Variants in ASPH observed in about 807,000 individuals in gnomAD.
ASPH encodes aspartate beta-hydroxylase.
ASPH carries 100 observed loss-of-function variants against 118.4 expected under a neutral mutation model. The ratio of observed to expected loss-of-function variants is 0.84; its 90% confidence interval spans 0.72 to 1.00. ASPH has a LOEUF of 1.00. Among genes scored for constraint, ASPH ranks in the 50% least tolerant of loss-of-function variants. The pLI is 0.00. For missense variants in ASPH, 920 were observed against 919.5 expected (o/e 1.00, Z -0.01); for synonymous variants, 315 against 325.6 (o/e 0.97, Z 0.35).
At chr8:61,611,264 C>T (rs1564005855) in intron 14 of ASPH, among the ~76,000 whole-genome samples, 1 of 152,206 alleles carries the variant, frequency 6.6e-6, no homozygotes, top group African/African-American at 2.4e-5. Flanking sequence ...GCTATATGGA[C>T]ACAGCTTCTT....
At chr8:61,675,987 T>G in intron 3 of ASPH, 7 of 1,556,596 alleles carry the variant, frequency 4.5e-6, no homozygotes, top group Non-Finnish European at 5.2e-6. Context: ...CCACTGCACA[T>G]TAAGCCCTGC....
intron 3 of ASPH, chr8:61,658,586 G>C (rs995108841): frequency 1.1e-4 from 16 of 152,124 alleles, no homozygotes; most frequent in African/African-American, 3.9e-4. Context: ...AATGCAAAAA[G>C]GGGACAAAAC....
intron 3 of ASPH, 73 bp from the exon 4 acceptor site, chr8:61,653,733 A>G (rs1812259856): frequency 1.4e-6 from 2 of 1,421,124 alleles, no homozygotes; most frequent in Non-Finnish European, 9.6e-7. Flanking sequence ...AGGAAAAATA[A>G]TATTTTCAAA....
In ASPH at chr8:61,505,156, TC is replaced by T. The variant is rs201003497; in HGVS notation, c.2127-1648del. 9.6e-3 allele frequency among the ~76,000 whole-genome samples: 1,457 copies of T among 152,264 alleles called. 22 individuals carry two copies. The highest frequency in any genetic ancestry group is 0.033 in the African/African-American group (1,365 of 41,548). On this transcript the variant is annotated intron_variant, in intron 24 of 24. Coordinates refer to ENST00000379454, the MANE Select transcript of ASPH (RefSeq NM_004318.4). ...GAGATCTGATGGTTTCATCAGGGGT[TC>T]CCGCTTTTGCATCTTCCTTATTTTC...
At chr8:61,518,807 G>A (rs1811866601) in intron 22 of ASPH, among the ~76,000 whole-genome samples, 1 of 152,184 alleles carries the variant, frequency 6.6e-6, no homozygotes, top group South Asian at 2.1e-4. Context: ...GTAGGGTCAT[G>A]ACTTTTCTCT....
intron 14 of ASPH, among the ~76,000 whole-genome samples, chr8:61,597,799 T>C (rs562030638): frequency 6.6e-6 from 1 of 152,190 alleles, no homozygotes; most frequent in South Asian, 2.1e-4. Context: ...CCTTCAAAAA[T>C]GAAGGAGGAA....
Position 61,652,144 on chromosome 8 carries a change from TC to T in ASPH, c.416-1021del, listed in dbSNP as rs1466713576. Among the ~76,000 whole-genome samples the T allele has an allele frequency of 5.3e-5, 8 of 152,246 alleles. No individual in the cohort carries two copies. The East Asian group carries it at 1.3e-3, about 26-fold the overall frequency. On this transcript the variant is annotated intron_variant, in intron 4 of 24. Coordinates refer to ENST00000379454, the MANE Select transcript of ASPH (RefSeq NM_004318.4). Reference sequence around the variant, plus strand: ...TTTCACAAGCCATTTATATATGTAGTCTTGTGCTATTATAGAGTCTGCCAAT... The same window carrying T: ...TTTCACAAGCCATTTATATATGTAGTTTGTGCTATTATAGAGTCTGCCAAT...
chr8:61,666,141 C>T (rs1204981568), intron 3 of ASPH, among the ~76,000 whole-genome samples: 3 of 152,044 alleles, frequency 2.0e-5, no homozygotes, highest in African/African-American at 7.2e-5. Context: ...ATGTGTATGA[C>T]ATTTTTAAAT....
intron 14 of ASPH, among the ~76,000 whole-genome samples, chr8:61,600,311 A>AT (rs1843615205): frequency 1.4e-4 from 21 of 147,996 alleles, no homozygotes; most frequent in African/African-American, 5.6e-4. Context: ...TTCCTCTAAG[A>AT]ACTGAAATAA....
intron 14 of ASPH, among the ~76,000 whole-genome samples, chr8:61,593,359 C>T (rs918989364): frequency 2.0e-5 from 3 of 152,142 alleles, no homozygotes; most frequent in African/African-American, 7.2e-5. Context: ...GACTCTCTTA[C>T]CAAGGATGGC....
chr8:61,629,752 T>C (rs528314484), intron 13 of ASPH, among the ~76,000 whole-genome samples: 14 of 152,354 alleles, frequency 9.2e-5, no homozygotes, highest in South Asian at 4.1e-4. Flanking sequence ...GAAGAATATA[T>C]AACACATCTG....
intron 13 of ASPH, among the ~76,000 whole-genome samples, chr8:61,627,482 G>A (rs748530010): frequency 2.0e-5 from 3 of 152,140 alleles, no homozygotes; most frequent in Non-Finnish European, 2.9e-5. Context: ...GCTTTACGTC[G>A]TTTTATCTTG....
intron 24 of ASPH, among the ~76,000 whole-genome samples, chr8:61,506,495 C>G (rs1185867535): frequency 6.6e-6 from 1 of 151,682 alleles, no homozygotes; most frequent in Non-Finnish European, 1.5e-5. Context: ...TATTTTACTA[C>G]AATTAAATAG....
At chr8:61,532,320 T>C (rs764651851) in intron 21 of ASPH, among the ~76,000 whole-genome samples, 2 of 152,196 alleles carry the variant, frequency 1.3e-5, no homozygotes, top group Non-Finnish European at 2.9e-5. Context: ...CTGTTGGCCA[T>C]TTGCAGGTCT....
chr8:61,581,626 A>T (rs762679805), intron 15 of ASPH, among the ~76,000 whole-genome samples: 2 of 152,170 alleles, frequency 1.3e-5, no homozygotes, highest in Non-Finnish European at 2.9e-5. Flanking sequence ...GAACAATATT[A>T]ATCTTATCTT....
intron 1 of ASPH, chr8:61,684,463 A>T: frequency 3.6e-6 from 1 of 276,100 alleles, no homozygotes; most frequent in Non-Finnish European, 6.8e-6. Flanking sequence ...CAAGTTACTC[A>T]TCAAAATGAC....
intron 17 of ASPH, among the ~76,000 whole-genome samples, chr8:61,565,204 T>G (rs1831277062): frequency 6.6e-6 from 1 of 152,236 alleles, no homozygotes; most frequent in Non-Finnish European, 1.5e-5. Context: ...TATGATGTTC[T>G]TTTCAAAGTA....
intron 16 of ASPH, among the ~76,000 whole-genome samples, chr8:61,570,393 A>G (rs1437592898): frequency 1.3e-5 from 2 of 152,180 alleles, no homozygotes; most frequent in Non-Finnish European, 2.9e-5. Context: ...CAGAGTGCCC[A>G]AAAAGATCCT....
intron 16 of ASPH, among the ~76,000 whole-genome samples, chr8:61,569,974 TG>T (rs550939009): frequency 9.1e-4 from 132 of 144,554 alleles, no homozygotes; most frequent in Middle Eastern, 7.0e-3. Flanking sequence ...ATATGAATGT[TG>T]ATAGATAACT....
Sources: gnomAD v4.1 joint callset for allele counts (sites outside exome capture counted in the v4.1 genomes callset) on GRCh38, gnomAD v4.1.1 for gene constraint, MANE v1.5 for transcripts, NCBI Gene and HGNC (gene_info 2026-07-23, HGNC 2026-07-21) for gene names.